Variants in DDB1 observed in about 807,000 individuals in gnomAD.
DDB1 encodes DNA damage-binding protein 1.
A neutral mutation model predicts 133.1 loss-of-function variants in DDB1; 18 were observed. The observed-to-expected ratio is 0.14, with a 90% confidence interval of 0.09 to 0.20. The LOEUF (loss-of-function observed/expected upper bound fraction) is 0.20, where lower values mean the gene tolerates loss of function less well. Among genes scored for constraint, DDB1 ranks in the 10% least tolerant of loss-of-function variants. The probability of loss-of-function intolerance (pLI) is 1.00; values close to 1 mark genes in which losing one functional copy is unlikely to be tolerated. For missense variants in DDB1, 828 were observed against 1,459.2 expected (o/e 0.57, Z 7.05); for synonymous variants, 580 against 550.5 (o/e 1.05, Z -0.75).
In DDB1 at chr11:61,310,416, A is replaced by G. The variant is rs28720326; in HGVS notation, c.2280T>C (p.Ala760=). ...TGCTGGAGCTTACACTGCTGGACAG[A>G]GCCTGCAAACAGAGAGAATGCACAT... ...TALRPSASTQ[A]LSSSVSSSKL... is the part of the protein sequence containing the mutation. Residue 760 remains alanine (A), a splice_region_variant and synonymous_variant, in exon 19 of 27, where the codon GCT becomes GCC. Coordinates refer to ENST00000301764, the MANE Select transcript of DDB1 (RefSeq NM_001923.5). 1.3e-3 allele frequency: 2,054 copies of G among 1,598,888 alleles called. 31 individuals carry two copies. The African/African-American group carries it at 0.025, about 20-fold the overall frequency.
intron 10 of DDB1, among the ~76,000 whole-genome samples, chr11:61,319,550 G>T (rs576263511): frequency 1.3e-5 from 2 of 152,024 alleles, no homozygotes; most frequent in African/African-American, 4.8e-5. Context: ...CCCTGCCTCA[G>T]CCTCCCGAGT....
intron 9 of DDB1, chr11:61,322,039 C>T (rs1856188452): frequency 7.4e-6 from 4 of 543,640 alleles, no homozygotes; most frequent in Admixed American, 3.2e-5. Flanking sequence ...TCTTTCTCAG[C>T]CCTAATTTTC....
At position 61,316,298 on chromosome 11, in the gene DDB1, T is replaced by G; in HGVS notation, c.1397A>C (p.Gln466Pro). 1 of 1,614,220 alleles carries G rather than the reference T, an allele frequency of 6.2e-7. No homozygotes were observed. The highest frequency in any genetic ancestry group is 8.5e-7 in the Non-Finnish European group (1 of 1,180,026). Reference protein sequence around the residue: ...QTFFCGNVAHQQLIQITSASV... With the variant: ...QTFFCGNVAHPQLIQITSASV... ...CTCAGTTATCACCTGGATAAGCTGC[T>G]GATGAGCCACGTTGCCACAGAAGAA... Residue 466 changes from glutamine to proline, a missense_variant, in exon 12 of 27, where the codon CAG becomes CCG. By Grantham distance (76) the Gln-to-Pro change is moderately conservative. This residue lies in a region of DDB1 where 396 missense variants were observed against 554.1 expected (regional missense o/e 0.71). Coordinates refer to ENST00000301764, the MANE Select transcript of DDB1 (RefSeq NM_001923.5).
At chr11:61,310,203 C>T in intron 19 of DDB1, 92 bp downstream of exon 19, 1 of 1,524,672 alleles carries the variant, frequency 6.6e-7, no homozygotes. Flanking sequence ...GGACAGTCTG[C>T]CACATCTGTC....
intron 7 of DDB1, 90 bp downstream of exon 7, chr11:61,323,889 A>G: frequency 6.9e-7 from 1 of 1,442,960 alleles, no homozygotes; most frequent in Admixed American, 1.8e-5. Context: ...TAAGTAACAT[A>G]ATTCCCAGAG....
chr11:61,302,789 GT>G (rs1480185580), intron 23 of DDB1, 38 bp from the exon 24 acceptor site: 5 of 1,612,708 alleles, frequency 3.1e-6, no homozygotes, highest in Non-Finnish European at 4.2e-6. Context: ...TGAACCTCCT[GT>G]TTCCACCACA....
Position 61,316,325 on chromosome 11 carries a change from G to A in DDB1, c.1370C>T (p.Thr457Ile). The change falls in exon 12 of 27, where the codon ACT (threonine) becomes ATT (isoleucine). Residue 457 changes from threonine to isoleucine, a missense_variant. By Grantham distance (89) the Thr-to-Ile change is moderately conservative (BLOSUM62 -1). Transcript: ENST00000301764. ...ELMGFVDDQQ[T>I]FFCGNVAHQQ... The stretch of plus-strand genomic sequence containing the variant: ...ATGAGCCACGTTGCCACAGAAGAAA[G>A]TCTGCTGATCATCCACGAAACCCAT... The A allele has an allele frequency of 6.2e-7, 1 of 1,614,182 alleles. No homozygotes were observed. The highest frequency in any genetic ancestry group is 8.5e-7 in the Non-Finnish European group (1 of 1,180,032).
At chr11:61,328,684 A>AAC (rs574042135) in intron 4 of DDB1, among the ~76,000 whole-genome samples, 6 of 152,302 alleles carry the variant, frequency 3.9e-5, no homozygotes, top group African/African-American at 1.4e-4. Flanking sequence ...GATTCTGGCC[A>AAC]ACATGGTGAA....
intron 10 of DDB1, 50 bp downstream of exon 10, chr11:61,321,545 C>T: frequency 3.8e-6 from 6 of 1,575,150 alleles, no homozygotes; most frequent in Non-Finnish European, 5.2e-6. Flanking sequence ...TGTAACAAGG[C>T]CAAAGTCCCT....
At chr11:61,321,833 G>T in intron 9 of DDB1, 136 bp from the exon 10 acceptor site, 1 of 739,546 alleles carries the variant, frequency 1.4e-6, no homozygotes, top group Non-Finnish European at 2.3e-6. Flanking sequence ...TGCAGACTTG[G>T]CAGAGGTTGA....
chr11:61,325,568 G>A lies in DDB1; in HGVS notation c.762+43C>T, dbSNP rs186776943. On this transcript the variant is annotated intron_variant, in intron 6 of 26. Coordinates refer to ENST00000301764, the MANE Select transcript of DDB1 (RefSeq NM_001923.5). The stretch of plus-strand genomic sequence containing the variant: ...AAAGGGAGGAGCAAGGTGAGGACAA[G>A]GAAAGAAAAGATGAAAGGAAAAAAA... 824 of 1,540,108 alleles carry A rather than the reference G, an allele frequency of 5.4e-4. 10 individuals carry two copies. The East Asian group carries it at 0.014, about 26-fold the overall frequency.
chr11:61,310,076 G>C (rs1278339859), intron 19 of DDB1, 116 bp from the exon 20 acceptor site: 1 of 1,440,874 alleles, frequency 6.9e-7, no homozygotes, highest in Non-Finnish European at 9.7e-7. Flanking sequence ...ACCACCTGCT[G>C]TCCCTGTCTC....
intron 16 of DDB1, among the ~76,000 whole-genome samples, chr11:61,312,647 G>C (rs977955870): frequency 7.9e-5 from 12 of 151,492 alleles, no homozygotes; most frequent in Non-Finnish European, 1.5e-4. Flanking sequence ...TCACCAGGCT[G>C]GAGCGCAATG....
intron 16 of DDB1, 46 bp from the exon 17 acceptor site, chr11:61,312,130 C>T (rs1014460236): frequency 1.3e-6 from 2 of 1,576,348 alleles, no homozygotes; most frequent in Non-Finnish European, 1.7e-6. Flanking sequence ...TCAAGGAAGG[C>T]AAAGATTCTA....
chr11:61,321,280 A>G (rs995147484), intron 10 of DDB1: 2 of 194,534 alleles, frequency 1.0e-5, no homozygotes, highest in Non-Finnish European at 2.1e-5. Flanking sequence ...TTCATAAAAT[A>G]TCCTCAGTCT....
In DDB1 at chr11:61,309,822, C is replaced by A; in HGVS notation, c.2540G>T (p.Arg847Leu). The part of the protein sequence containing the change: ...YPEEAEPKQG[R>L]IVVFQYSDGK... ...ATCCGAATACTGAAAGACCACAATG[C>A]GACCCTGCTTGGGCTCTGCCTCTTC... The change falls in exon 20 of 27, where the codon CGC becomes CTC. Residue 847 changes from arginine to leucine, a missense_variant. By Grantham distance (102) the Arg-to-Leu change is moderately radical (BLOSUM62 -2). Coordinates refer to ENST00000301764, the MANE Select transcript of DDB1 (RefSeq NM_001923.5). The A allele has an allele frequency of 6.2e-7, 1 of 1,613,908 alleles. No individual in the cohort carries two copies. Among genetic ancestry groups the A allele is most frequent in the Admixed American group, 1.7e-5 (1 of 59,984 alleles).
chr11:61,318,263 A>G (rs1033336238), intron 10 of DDB1, among the ~76,000 whole-genome samples: 4 of 152,220 alleles, frequency 2.6e-5, no homozygotes, highest in African/African-American at 7.2e-5. Context: ...TTGCTATAAC[A>G]TACAATGCCA....
At chr11:61,322,910 G>T in intron 8 of DDB1, 101 bp downstream of exon 8, 1 of 914,804 alleles carries the variant, frequency 1.1e-6, no homozygotes, top group African/African-American at 1.7e-5. Flanking sequence ...TAGGGATGTG[G>T]ATAAAATGGA....
At chr11:61,331,902 C>G in intron 1 of DDB1, 1 of 574,512 alleles carries the variant, frequency 1.7e-6, no homozygotes, top group Non-Finnish European at 3.0e-6. Context: ...CCTAATCAGA[C>G]TAAGAAAACT....
Sources: gnomAD v4.1 joint callset for allele counts (sites outside exome capture counted in the v4.1 genomes callset) on GRCh38, gnomAD v4.1.1 for gene constraint, gnomAD v4.1.1 regional missense constraint, MANE v1.5 for transcripts, NCBI Gene and HGNC (gene_info 2026-07-23, HGNC 2026-07-21) for gene names.